Variants in GALNT5 observed in about 807,000 individuals in gnomAD.
GALNT5 encodes the protein UDP-GalNAc:polypeptide N-acetylgalactosaminyltransferase 5.
Under a neutral mutation model 85.4 loss-of-function variants are expected in GALNT5, and 72 were observed. The ratio of observed to expected loss-of-function variants is 0.84; its 90% CI spans 0.70 to 1.03. The LOEUF (loss-of-function observed/expected upper bound fraction) is 1.03. GALNT5 is among the 50% of genes least tolerant of loss of function. GALNT5 has a pLI of 0.00. For synonymous variants in GALNT5, 404 were observed against 397.0 expected (o/e 1.02, Z -0.21); for missense variants, 1,137 against 1,135.5 (o/e 1.00, Z -0.02).
intron 3 of GALNT5, among the ~76,000 whole-genome samples, chr2:157,291,069 C>T (rs1341232414): frequency 6.6e-6 from 1 of 152,048 alleles, no homozygotes; most frequent in African/African-American, 2.4e-5. Flanking sequence ...CTAAGAATTG[C>T]CCACTATATG....
In GALNT5 at chr2:157,258,699, AC is replaced by A; in HGVS notation, c.618del (p.Asp206GlufsTer5). 2 of 1,613,982 alleles carry A rather than the reference AC, an allele frequency of 1.2e-6. No individual in the cohort carries two copies. The highest frequency in any genetic ancestry group is 1.6e-4 in the Middle Eastern group (1 of 6,062). On this transcript the variant is annotated frameshift_variant, in exon 1 of 10. Coordinates refer to ENST00000259056, the MANE Select transcript of GALNT5 (RefSeq NM_014568.3). LOFTEE classifies it high-confidence loss of function. The part of the protein sequence containing the change: ...EPRKSHSPSS[D>X]TSKLAAERDL... ...CGGAAGAGTCATAGTCCCAGCAGTG[AC>A]ACATCAAAACTAGCAGCTGAAAGGG... is the stretch of plus-strand genomic sequence containing the variant.
chr2:157,303,310 C>T (rs991655159), intron 7 of GALNT5, among the ~76,000 whole-genome samples: 28 of 152,048 alleles, frequency 1.8e-4, no homozygotes, highest in African/African-American at 6.5e-4. Context: ...GAAATATTTT[C>T]TTATTGAAAC....
intron 1 of GALNT5, among the ~76,000 whole-genome samples, chr2:157,275,207 T>G (rs1220397261): frequency 6.6e-6 from 1 of 152,220 alleles, no homozygotes; most frequent in Non-Finnish European, 1.5e-5. Context: ...TTGGTACCAG[T>G]ACCATGCTGT....
At chr2:157,285,025 G>C (rs528338760) in intron 2 of GALNT5, among the ~76,000 whole-genome samples, 1 of 152,290 alleles carries the variant, frequency 6.6e-6, no homozygotes, top group East Asian at 1.9e-4. Context: ...CTCACTCTTT[G>C]GGTTGTCAAA....
chr2:157,309,734 G>A (rs1183882645), intron 9 of GALNT5, among the ~76,000 whole-genome samples: 2 of 152,066 alleles, frequency 1.3e-5, no homozygotes, highest in Non-Finnish European at 2.9e-5. Flanking sequence ...CAAAACTGGG[G>A]CCTGAGTAAT....
At chr2:157,290,016 T>G (rs1324338155) in intron 3 of GALNT5, among the ~76,000 whole-genome samples, 1 of 149,216 alleles carries the variant, frequency 6.7e-6, no homozygotes, top group Non-Finnish European at 1.5e-5. Context: ...GAGGTTGCAG[T>G]GAGCCAAGAT....
At position 157,258,466 on chromosome 2, in the gene GALNT5, T is replaced by A. The variant is rs776627268; in HGVS notation, c.384T>A (p.His128Gln). ...LGRGKVVPLWHPAHLQTLPVT... is the reference protein window; with the variant it reads ...LGRGKVVPLWQPAHLQTLPVT... Reference sequence around the variant, plus strand: ...GGGGCAAGGTTGTGCCGTTGTGGCATCCTGCACATCTGCAGACCCTCCCTG... The same window carrying A: ...GGGGCAAGGTTGTGCCGTTGTGGCAACCTGCACATCTGCAGACCCTCCCTG... The change falls in exon 1 of 10, where the codon CAT becomes CAA. Residue 128 changes from histidine to glutamine, a missense_variant. Transcript: ENST00000259056. 6.2e-7 allele frequency: 1 copy of A among 1,605,526 alleles called. No homozygotes were observed. The highest frequency in any genetic ancestry group is 8.5e-7 in the Non-Finnish European group (1 of 1,177,088).
chr2:157,278,776 G>A (rs879754583), intron 1 of GALNT5, among the ~76,000 whole-genome samples: 25 of 152,108 alleles, frequency 1.6e-4, no homozygotes, highest in Non-Finnish European at 4.4e-5. Context: ...CTTTAGCTCA[G>A]AGAAGTTTGT....
chr2:157,291,938 T>G (rs181018485), intron 3 of GALNT5, among the ~76,000 whole-genome samples: 6 of 152,330 alleles, frequency 3.9e-5, no homozygotes, highest in African/African-American at 4.8e-5. Context: ...GTGATTGATA[T>G]GCTAATTACC....
chr2:157,279,005 A>T (rs1574019690), intron 1 of GALNT5, among the ~76,000 whole-genome samples: 1 of 151,984 alleles, frequency 6.6e-6, no homozygotes, highest in Non-Finnish European at 1.5e-5. Context: ...GTTTTGATGT[A>T]GATGTCCTTT....
chr2:157,271,925 C>G (rs977955171), intron 1 of GALNT5, among the ~76,000 whole-genome samples: 2 of 152,100 alleles, frequency 1.3e-5, no homozygotes, highest in Non-Finnish European at 2.9e-5. Flanking sequence ...AAGCCCCAGA[C>G]CCAGCTCTGA....
intron 1 of GALNT5, among the ~76,000 whole-genome samples, chr2:157,280,357 G>C (rs1682829054): frequency 6.6e-6 from 1 of 152,176 alleles, no homozygotes; most frequent in Non-Finnish European, 1.5e-5. Context: ...CACCCAGAGA[G>C]ACACAGAGGA....
In GALNT5 at chr2:157,314,078, G is replaced by A. The variant is rs913209532; in HGVS notation, c.*2730G>A. 2.0e-5 allele frequency: 3 copies of A among 151,776 alleles called. No homozygotes were observed. The highest frequency in any genetic ancestry group is 4.4e-5 in the Non-Finnish European group (3 of 67,940). The allele number at this position is 151,776 out of a possible 1,614,324, so 9.4% of individuals were successfully genotyped here. The stretch of plus-strand genomic sequence containing the variant: ...TAGAATAAAGGTATACATGCTACTC[G>A]GTCTTCTGGTAATTCTAGTGATAAA... On this transcript the variant is annotated 3_prime_UTR_variant, in exon 10 of 10. Coordinates refer to ENST00000259056, the MANE Select transcript of GALNT5 (RefSeq NM_014568.3).
In GALNT5 at chr2:157,313,580, A is replaced by T. The variant is rs566209019; in HGVS notation, c.*2232A>T. The T allele has an allele frequency of 1.3e-5, 2 of 152,344 alleles. No homozygotes were observed. The highest frequency in any genetic ancestry group is 4.1e-4 in the South Asian group (2 of 4,826). 9.4% of individuals were successfully genotyped at this position (152,344 alleles called of 1,614,324 possible). ...GCCTCATGTAATTCTTCATGTAACT[A>T]AAAAATGTTGAGAGGTTTTTTTCCC... On this transcript the variant is annotated 3_prime_UTR_variant, in exon 10 of 10. Coordinates refer to ENST00000259056, the MANE Select transcript of GALNT5 (RefSeq NM_014568.3).
chr2:157,258,342 G>A lies in GALNT5; in HGVS notation c.260G>A (p.Gly87Asp), dbSNP rs1415975237. The change falls in exon 1 of 10, where the codon GGC becomes GAC. Residue 87 changes from glycine to aspartate, a missense_variant. By Grantham distance (94) the Gly-to-Asp change is moderately conservative. Coordinates refer to ENST00000259056, the MANE Select transcript of GALNT5 (RefSeq NM_014568.3). The stretch of plus-strand genomic sequence containing the variant: ...AGGGGACATGGGAAAGGGGCATGGG[G>A]CAAAGAGAATGTTAGAAAAACTGAG... ...PLRGHGKGAW[G>D]KENVRKTEES... is the part of the protein sequence containing the mutation. 6.2e-7 allele frequency: 1 copy of A among 1,603,890 alleles called. No homozygotes were observed. Among genetic ancestry groups the A allele is most frequent in the African/African-American group, 1.3e-5 (1 of 74,294 alleles).
At position 157,305,741 on chromosome 2, in the gene GALNT5, C is replaced by T. The variant is rs1294574280; in HGVS notation, c.2440-8C>T. 1.3e-6 allele frequency: 2 copies of T among 1,545,552 alleles called. No individual in the cohort carries two copies. The highest frequency in any genetic ancestry group is 4.5e-5 in the East Asian group (2 of 44,494). On this transcript the variant is annotated splice_region_variant and splice_polypyrimidine_tract_variant and intron_variant, in intron 7 of 9. Coordinates refer to ENST00000259056, the MANE Select transcript of GALNT5 (RefSeq NM_014568.3). Reference sequence around the variant, plus strand: ...TTTGTAATTCCTGTTTCGTATTTTGCTTTTTAGCTTATTAATGTGGCTTTG... The same window carrying T: ...TTTGTAATTCCTGTTTCGTATTTTGTTTTTTAGCTTATTAATGTGGCTTTG...
chr2:157,261,656 T>C (rs983682617), intron 1 of GALNT5, among the ~76,000 whole-genome samples: 3 of 152,238 alleles, frequency 2.0e-5, no homozygotes, highest in East Asian at 3.8e-4. Context: ...TCAGTCCTTT[T>C]GTAGTCCTCT....
chr2:157,294,268 TC>T (rs929757943), intron 3 of GALNT5, among the ~76,000 whole-genome samples: 1 of 152,052 alleles, frequency 6.6e-6, no homozygotes, highest in African/African-American at 2.4e-5. Context: ...GTTCCATTTT[TC>T]CCCCTGGAAT....
intron 1 of GALNT5, among the ~76,000 whole-genome samples, chr2:157,279,360 G>A (rs183964468): frequency 3.7e-4 from 56 of 152,340 alleles, no homozygotes; most frequent in African/African-American, 1.3e-3. Flanking sequence ...TTTTCAGAGC[G>A]GTCAGACAGG....
Sources: gnomAD v4.1 joint callset for allele counts (sites outside exome capture counted in the v4.1 genomes callset) on GRCh38, gnomAD v4.1.1 for gene constraint, MANE v1.5 for transcripts, NCBI Gene and HGNC (gene_info 2026-07-23, HGNC 2026-07-21) for gene names.